TERF2: variants seen among roughly 807,000 people sequenced by gnomAD.
The protein encoded by TERF2 is telomeric repeat-binding factor 2.
A neutral mutation model predicts 56.1 loss-of-function variants in TERF2; 16 were observed. That is an observed-to-expected ratio of 0.29 (90% CI 0.19 to 0.43). The LOEUF (loss-of-function observed/expected upper bound fraction) is 0.43, where lower values mean the gene tolerates loss of function less well. TERF2 is among the 20% of genes least tolerant of loss of function. The probability of loss-of-function intolerance (pLI) is 1.00; values close to 1 mark genes in which losing one functional copy is unlikely to be tolerated. For synonymous variants in TERF2, 296 were observed against 282.1 expected, an observed-to-expected ratio of 1.05 and a Z score of -0.50; for missense variants, 547 against 712.9, an observed-to-expected ratio of 0.77 and a Z score of 2.65.
chr16:69,370,670 C>A lies in TERF2; in HGVS notation c.694-41G>T, dbSNP rs531970163. The A allele has an allele frequency of 7.7e-6, 12 of 1,560,780 alleles. No homozygotes were observed. The East Asian group carries it at 1.1e-4, about 15-fold the overall frequency. ...ATATTTGCAACATGAGAAAGTAGAA[C>A]TCCAGTAAAAATTCAATGATGATGA... On this transcript the variant is annotated intron_variant, in intron 4 of 9. Coordinates refer to ENST00000254942, the MANE Select transcript of TERF2 (RefSeq NM_005652.5).
rs760504842 is a variant in TERF2, at chr16:69,357,013, T to C, written c.1514A>G (p.Gln505Arg). 6.2e-7 allele frequency: 1 copy of C among 1,614,170 alleles called. No individual in the cohort carries two copies. Among genetic ancestry groups the C allele is most frequent in the Admixed American group, 1.7e-5 (1 of 59,998 alleles). The change falls in exon 10 of 10, where the codon CAG becomes CGG. Residue 505 changes from glutamine to arginine, a missense_variant. Transcript: ENST00000254942. Reference sequence around the variant, plus strand: ...AGCCCAGTTTCCTTCCCCATATTTCTGCACTCCAGCCTTGACCCACTCGCT... The same window carrying C: ...AGCCCAGTTTCCTTCCCCATATTTCCGCACTCCAGCCTTGACCCACTCGCT... ...EESEWVKAGV[Q>R]KYGEGNWAAI...
At chr16:69,379,482 G>A (rs2013915060) in intron 3 of TERF2, among the ~76,000 whole-genome samples, 1 of 152,192 alleles carries the variant, frequency 6.6e-6, no homozygotes, top group Non-Finnish European at 1.5e-5. Flanking sequence ...AAACCTAACA[G>A]ATCAATCTCT....
chr16:69,359,907 C>T (rs1464299872), intron 8 of TERF2, among the ~76,000 whole-genome samples: 2 of 151,844 alleles, frequency 1.3e-5, no homozygotes, highest in Admixed American at 6.6e-5. Context: ...GCGTGAGCCA[C>T]CACTCCTGGC....
At chr16:69,372,124 A>G in intron 4 of TERF2, 145 bp downstream of exon 4, 1 of 546,394 alleles carries the variant, frequency 1.8e-6, no homozygotes. Context: ...GTTATCTTGG[A>G]TATAAAAGAT....
At position 69,356,741 on chromosome 16, in the gene TERF2, A is replaced by G. The variant is rs1288254610; in HGVS notation, c.*157T>C. Reference sequence around the variant, plus strand: ...CGTGAGCCCGGGAGACGGAGGTCGCAGTGAGCCGAGATCACGCCACTGCAC... The same window carrying G: ...CGTGAGCCCGGGAGACGGAGGTCGCGGTGAGCCGAGATCACGCCACTGCAC... On this transcript the variant is annotated 3_prime_UTR_variant, in exon 10 of 10. Coordinates refer to ENST00000254942, the MANE Select transcript of TERF2 (RefSeq NM_005652.5). 10 of 765,754 alleles carry G rather than the reference A, an allele frequency of 1.3e-5. No homozygotes were observed. Among genetic ancestry groups the G allele is most frequent in the South Asian group, 6.9e-5 (3 of 43,642 alleles). The allele number at this position is 765,754 out of a possible 1,614,324, so 47.4% of individuals were successfully genotyped here. A position where few individuals can be genotyped will look rare whatever the true frequency, so the allele number is the denominator to read the frequency against.
At chr16:69,384,271 CAG>C (rs889855735) in intron 3 of TERF2, among the ~76,000 whole-genome samples, 2 of 152,164 alleles carry the variant, frequency 1.3e-5, no homozygotes, top group Admixed American at 6.6e-5. Context: ...AACCCTAGGC[CAG>C]AGTTACTTAA....
At chr16:69,379,234 A>G (rs905365095) in intron 3 of TERF2, among the ~76,000 whole-genome samples, 1 of 152,206 alleles carries the variant, frequency 6.6e-6, no homozygotes. Flanking sequence ...ATGCAAAAAG[A>G]AGCAAGGCTG....
chr16:69,368,148 G>A (rs756710049), intron 6 of TERF2, among the ~76,000 whole-genome samples: 1 of 152,202 alleles, frequency 6.6e-6, no homozygotes, highest in Non-Finnish European at 1.5e-5. Flanking sequence ...GAGAAATGGT[G>A]AAAGAGCCTT....
intron 3 of TERF2, among the ~76,000 whole-genome samples, chr16:69,375,505 C>T (rs982021235): frequency 2.0e-5 from 3 of 152,198 alleles, no homozygotes; most frequent in African/African-American, 4.8e-5. Context: ...TCAAGTCCAG[C>T]ATGGGCAACA....
At chr16:69,378,548 T>C (rs1408622813) in intron 3 of TERF2, among the ~76,000 whole-genome samples, 1 of 152,174 alleles carries the variant, frequency 6.6e-6, no homozygotes, top group Non-Finnish European at 1.5e-5. Context: ...AGAGAAAGCT[T>C]CTCTTGGTGC....
At chr16:69,366,149 A>T (rs1173387779) in intron 7 of TERF2, 1 of 152,280 alleles carries the variant, frequency 6.6e-6, no homozygotes, top group African/African-American at 2.4e-5. Context: ...TGATGAAGGG[A>T]TGACGGTCCA....
At position 69,385,822 on chromosome 16, in the gene TERF2, G is replaced by A. The variant is rs1052011598; in HGVS notation, c.150C>T (p.Ser50=). Residue 50 remains serine, a synonymous_variant, in exon 1 of 10, where the codon AGC becomes AGT. Coordinates refer to ENST00000254942, the MANE Select transcript of TERF2 (RefSeq NM_005652.5). ...TGCCAGCTGCCCGCCCGCTGCCGTC[G>A]CTACTCCCGCCTCCTCCCGCCATCG... is the stretch of plus-strand genomic sequence containing the variant. The part of the protein sequence containing the change: ...SDTMAGGGGS[S]DGSGRAAGRR... 1.6e-5 allele frequency: 21 copies of A among 1,325,412 alleles called. No homozygotes were observed. The African/African-American group carries it at 3.1e-4, about 19-fold the overall frequency. The allele number at this position is 1,325,412 out of a possible 1,614,324, so 82.1% of individuals were successfully genotyped here. A position where few individuals can be genotyped will look rare whatever the true frequency, so the allele number is the denominator to read the frequency against.
chr16:69,373,828 G>A (rs1432921763), intron 3 of TERF2, among the ~76,000 whole-genome samples: 4 of 152,122 alleles, frequency 2.6e-5, no homozygotes, highest in Admixed American at 6.6e-5. Flanking sequence ...GCGATACCCC[G>A]TCTCAAAACA....
chr16:69,373,699 G>A (rs2013660478), intron 3 of TERF2, among the ~76,000 whole-genome samples: 1 of 152,164 alleles, frequency 6.6e-6, no homozygotes, highest in Admixed American at 6.5e-5. Flanking sequence ...CAGGCATGTT[G>A]GTGTGTGCCT....
Position 69,385,989 on chromosome 16 carries a change from G to C in TERF2, c.-18C>G, listed in dbSNP as rs1162404688. On this transcript the variant is annotated 5_prime_UTR_variant, in exon 1 of 10. Transcript: ENST00000254942. ...GCGGCCATGATAGAAACAGCGTTCCGAGCCGCCCGCGGGCTTCTGGGAGGG... is the reference window on the plus strand; with the variant it reads ...GCGGCCATGATAGAAACAGCGTTCCCAGCCGCCCGCGGGCTTCTGGGAGGG... 7.6e-7 allele frequency: 1 copy of C among 1,313,368 alleles called. No homozygotes were observed. Among genetic ancestry groups the C allele is most frequent in the East Asian group, 3.1e-5 (1 of 31,860 alleles). The allele number at this position is 1,313,368 out of a possible 1,614,324, so 81.4% of individuals were successfully genotyped here.
At chr16:69,364,673 C>G (rs1211386395) in intron 7 of TERF2, among the ~76,000 whole-genome samples, 2 of 152,070 alleles carry the variant, frequency 1.3e-5, no homozygotes, top group Admixed American at 6.6e-5. Flanking sequence ...GTAGAGTCCC[C>G]CAGCCCCCAA....
At chr16:69,373,581 C>G (rs2013655768) in intron 3 of TERF2, among the ~76,000 whole-genome samples, 2 of 152,074 alleles carry the variant, frequency 1.3e-5, no homozygotes, top group Non-Finnish European at 2.9e-5. Flanking sequence ...AACTGTATTC[C>G]CACACTTTGA....
intron 5 of TERF2, among the ~76,000 whole-genome samples, chr16:69,369,760 T>C (rs1039676876): frequency 3.3e-5 from 5 of 152,206 alleles, no homozygotes; most frequent in Admixed American, 3.3e-4. Context: ...AATGTTTTCA[T>C]TTGGCTTCTT....
intron 4 of TERF2, among the ~76,000 whole-genome samples, chr16:69,371,337 A>G (rs1296865452): frequency 6.6e-6 from 1 of 151,058 alleles, no homozygotes; most frequent in Non-Finnish European, 1.5e-5. Context: ...CGTCTCTACT[A>G]AAAAATTTAA....
Sources: gnomAD v4.1 joint callset for allele counts (sites outside exome capture counted in the v4.1 genomes callset) on GRCh38, gnomAD v4.1.1 for gene constraint, MANE v1.5 for transcripts, NCBI Gene and HGNC (gene_info 2026-07-23, HGNC 2026-07-21) for gene names.